The following DOCK4 variants were observed in gnomAD, a reference collection of about 807,000 sequenced individuals.
DOCK4 encodes dedicator of cytokinesis protein 4.
A neutral mutation model predicts 268.1 loss-of-function variants in DOCK4; 97 were observed. The observed-to-expected ratio is 0.36, with a 90% CI of 0.31 to 0.43. DOCK4 has a LOEUF of 0.43. Among genes scored for constraint, DOCK4 ranks in the 20% least tolerant of loss-of-function variants. The pLI, the probability that DOCK4 is intolerant of heterozygous loss-of-function variation, is 1.00. For missense variants in DOCK4, 2,145 were observed against 2,455.7 expected, an observed-to-expected ratio of 0.87 and a Z score of 2.67; for synonymous variants, 954 against 887.2, an observed-to-expected ratio of 1.08 and a Z score of -1.34.
At chr7:112,007,981 C>T (rs1028849672) in intron 1 of DOCK4, among the ~76,000 whole-genome samples, 2 of 152,156 alleles carry the variant, frequency 1.3e-5, no homozygotes, top group Non-Finnish European at 2.9e-5. Context: ...TTCCCAGGGG[C>T]ATTTTCCCCC....
intron 1 of DOCK4, among the ~76,000 whole-genome samples, chr7:112,202,658 G>A (rs897548952): frequency 2.6e-5 from 4 of 151,670 alleles, no homozygotes; most frequent in Non-Finnish European, 4.4e-5. Flanking sequence ...TGCTTGAGGC[G>A]ATCAACCAGG....
chr7:112,048,637 GAA>G (rs1322483688), intron 1 of DOCK4, among the ~76,000 whole-genome samples: 2 of 150,032 alleles, frequency 1.3e-5, no homozygotes, highest in Non-Finnish European at 3.0e-5. Flanking sequence ...AGAAAGGTAA[GAA>G]TGACATTATT....
intron 1 of DOCK4, among the ~76,000 whole-genome samples, chr7:112,079,477 G>A (rs1254104174): frequency 1.3e-5 from 2 of 152,136 alleles, no homozygotes; most frequent in Non-Finnish European, 2.9e-5. Flanking sequence ...TACTCTACTT[G>A]TAAATTATAT....
intron 8 of DOCK4, among the ~76,000 whole-genome samples, chr7:111,975,485 A>G (rs988058919): frequency 1.3e-5 from 2 of 152,218 alleles, no homozygotes; most frequent in Non-Finnish European, 2.9e-5. Flanking sequence ...TCACATTTCT[A>G]AAGTCTAACT....
chr7:112,148,668 GGTTTT>G (rs559717040), intron 1 of DOCK4, among the ~76,000 whole-genome samples: 38 of 152,106 alleles, frequency 2.5e-4, no homozygotes, highest in Non-Finnish European at 3.7e-4. Flanking sequence ...GAAAATAAAG[GGTTTT>G]GTTTTGTTTT....
chr7:111,988,126 T>C (rs887004905), intron 6 of DOCK4, among the ~76,000 whole-genome samples: 5 of 152,204 alleles, frequency 3.3e-5, no homozygotes, highest in African/African-American at 1.2e-4. Flanking sequence ...GTTCACTTCC[T>C]GTCATTTTCT....
intron 1 of DOCK4, among the ~76,000 whole-genome samples, chr7:112,085,240 G>T (rs534132705): frequency 6.6e-6 from 1 of 152,186 alleles, no homozygotes; most frequent in African/African-American, 2.4e-5. Flanking sequence ...GGATGCTCAA[G>T]AGAGCAATTT....
At chr7:111,736,796 C>G (rs577382097) in intron 50 of DOCK4, 121 bp downstream of exon 50, 1 of 855,222 alleles carries the variant, frequency 1.2e-6, no homozygotes, top group South Asian at 1.4e-5. Context: ...AAAGAGCATA[C>G]TAGTCCTGAT....
chr7:112,053,199 T>C lies in DOCK4; in HGVS notation c.38-49068A>G, dbSNP rs113555031. 3.2e-3 allele frequency among the ~76,000 whole-genome samples: 493 copies of C among 152,302 alleles called. 5 individuals are homozygous for C. The highest frequency in any genetic ancestry group is 0.011 in the African/African-American group (474 of 41,560). On this transcript the variant is annotated intron_variant, in intron 1 of 52. Coordinates refer to ENST00000428084, the MANE Select transcript of DOCK4 (RefSeq NM_001363540.2). The stretch of plus-strand genomic sequence containing the variant: ...ACTCTTACTAATTATAGTACAATAT[T>C]TGGCCACATGCAAGACCTTGGGGTG...
At chr7:112,029,270 G>C (rs1234108817) in intron 1 of DOCK4, among the ~76,000 whole-genome samples, 2 of 152,220 alleles carry the variant, frequency 1.3e-5, no homozygotes, top group African/African-American at 4.8e-5. Context: ...CCTTCCGTGT[G>C]AAGAATGCAC....
At chr7:112,159,045 C>T (rs1816856290) in intron 1 of DOCK4, among the ~76,000 whole-genome samples, 1 of 152,162 alleles carries the variant, frequency 6.6e-6, no homozygotes, top group African/African-American at 2.4e-5. Context: ...GTAACAGAAG[C>T]CAAACAGTTG....
chr7:111,904,756 G>A (rs1791421714), intron 13 of DOCK4, among the ~76,000 whole-genome samples: 1 of 152,112 alleles, frequency 6.6e-6, no homozygotes, highest in Non-Finnish European at 1.5e-5. Context: ...AGAAACCTCT[G>A]GGTCTCAGGT....
chr7:112,190,328 C>T (rs1037159514), intron 1 of DOCK4, among the ~76,000 whole-genome samples: 9 of 152,112 alleles, frequency 5.9e-5, no homozygotes, highest in African/African-American at 2.2e-4. Context: ...CAGCAAAGGC[C>T]CTGAGAGAGG....
chr7:111,846,760 A>G (rs181589169), intron 24 of DOCK4, among the ~76,000 whole-genome samples: 30 of 152,190 alleles, frequency 2.0e-4, no homozygotes, highest in African/African-American at 7.2e-4. Context: ...CATTTTTCTC[A>G]CTCAGTATGC....
intron 28 of DOCK4, among the ~76,000 whole-genome samples, chr7:111,811,259 T>C (rs1320642648): frequency 6.6e-6 from 1 of 152,208 alleles, no homozygotes; most frequent in Admixed American, 6.5e-5. Flanking sequence ...GTGTTTAATA[T>C]GAAATATGTT....
chr7:111,789,691 C>T (rs1030711711), intron 31 of DOCK4, among the ~76,000 whole-genome samples: 3 of 152,160 alleles, frequency 2.0e-5, no homozygotes, highest in Non-Finnish European at 2.9e-5. Context: ...TAGGAGGGTT[C>T]CATGTCTGCA....
At position 112,004,042 on chromosome 7, in the gene DOCK4, A is replaced by G. The variant is rs1474047788; in HGVS notation, c.121+6T>C. ...TGTTGAGGAGGTTGTTCATAAGGCT[A>G]CTCACCATCACACTTCTCCAGGATC... is the stretch of plus-strand genomic sequence containing the variant. On this transcript the variant is annotated splice_donor_region_variant and intron_variant, in intron 2 of 52. Coordinates refer to ENST00000428084, the MANE Select transcript of DOCK4 (RefSeq NM_001363540.2). The G allele has an allele frequency of 4.4e-6, 7 of 1,595,038 alleles. No homozygotes were observed. Among genetic ancestry groups the G allele is most frequent in the Non-Finnish European group, 6.0e-6 (7 of 1,169,516 alleles).
chr7:111,801,228 A>C (rs950368904), intron 30 of DOCK4, among the ~76,000 whole-genome samples: 8 of 152,196 alleles, frequency 5.3e-5, no homozygotes, highest in Non-Finnish European at 1.2e-4. Context: ...TGTGTGAATG[A>C]CACACCTGGT....
chr7:112,017,835 C>T (rs1801944002), intron 1 of DOCK4, among the ~76,000 whole-genome samples: 1 of 152,034 alleles, frequency 6.6e-6, no homozygotes, highest in African/African-American at 2.4e-5. Flanking sequence ...CTGGGTCAAG[C>T]CCAGGTCAGC....
Sources: allele counts gnomAD v4.1 joint callset (sites outside exome capture counted in the v4.1 genomes callset), GRCh38; gene constraint gnomAD v4.1.1; transcripts MANE v1.5; gene names NCBI Gene and HGNC (gene_info 2026-07-23, HGNC 2026-07-21).